VWF: variants seen among roughly 807,000 people sequenced by gnomAD.
The protein encoded by VWF is von Willebrand factor, also known as Factor VIII related antigen.
Under a neutral mutation model 308.6 loss-of-function variants are expected in VWF, and 176 were observed. The observed-to-expected ratio is 0.57, with a 90% CI of 0.50 to 0.65. VWF has a LOEUF of 0.65. Ranked by LOEUF, VWF falls within the 30% of genes least tolerant of loss-of-function variation. The pLI is 0.00. For synonymous variants in VWF, 1,385 were observed against 1,443.4 expected (o/e 0.96, Z 0.92); for missense variants, 3,146 against 3,648.2 (o/e 0.86, Z 3.55).
intron 41 of VWF, 49 bp from the exon 42 acceptor site, chr12:5,982,040 G>C (rs746635097): frequency 1.3e-6 from 2 of 1,575,074 alleles, no homozygotes; most frequent in South Asian, 1.1e-5. Flanking sequence ...GCCAGGGCTC[G>C]TAAGTATTCA....
Position 6,029,401 on chromosome 12 carries a change from G to A in VWF, c.2908C>T (p.Leu970Phe). 6.2e-7 allele frequency: 1 copy of A among 1,614,134 alleles called. No individual in the cohort carries two copies. Among genetic ancestry groups the A allele is most frequent in the Non-Finnish European group, 8.5e-7 (1 of 1,180,040 alleles). The change falls in exon 22 of 52, where the codon CTC becomes TTC. Residue 970 changes from leucine to phenylalanine, a missense_variant. Around this residue, in one of 3 missense-constraint regions of VWF, gnomAD observed 1,304 missense variants for 1,353.0 expected, o/e 0.96. Coordinates refer to ENST00000261405, the MANE Select transcript of VWF (RefSeq NM_000552.5). The part of the protein sequence containing the change: ...RYIILLLGKA[L>F]SVVWDRHLSI... Reference sequence around the variant, plus strand: ...AGGTGGCGGTCCCAGACCACGGAGAGGGCTTTGCCCAGCAGCAGAATGATG... The same window carrying A: ...AGGTGGCGGTCCCAGACCACGGAGAAGGCTTTGCCCAGCAGCAGAATGATG...
At chr12:6,047,690 G>C (rs1200861522) in intron 16 of VWF, among the ~76,000 whole-genome samples, 1 of 152,234 alleles carries the variant, frequency 6.6e-6, no homozygotes, top group Non-Finnish European at 1.5e-5. Flanking sequence ...TGTTTAGTTT[G>C]TATAAATGAT....
chr12:6,106,711 C>T (rs1945248138), intron 5 of VWF, among the ~76,000 whole-genome samples: 1 of 151,848 alleles, frequency 6.6e-6, no homozygotes, highest in African/African-American at 2.4e-5. Context: ...CCCGTCTCTA[C>T]TAAAAATACA....
rs1318742609 is a variant in VWF, at chr12:6,022,031, T to C, written c.3543A>G (p.Lys1181=). 6.2e-7 allele frequency: 1 copy of C among 1,614,104 alleles called. No individual in the cohort carries two copies. The highest frequency in any genetic ancestry group is 8.5e-7 in the Non-Finnish European group (1 of 1,180,012). ...AGGTCTGCAAAAGCTCATCCAGGAT[T>C]TTCCCTGCAAAAGAAAGCTCTCATT... The part of the protein sequence containing the change: ...EGCHAHCPPG[K]ILDELLQTCV... The change falls in exon 27 of 52, where the codon AAA becomes AAG. Residue 1181 remains lysine, a synonymous_variant. Transcript: ENST00000261405.
At chr12:5,969,180 G>A (rs1423343500) in intron 45 of VWF, 31 bp downstream of exon 45, 1 of 1,595,804 alleles carries the variant, frequency 6.3e-7, no homozygotes, top group Admixed American at 1.8e-5. Context: ...GTGGTGCCCG[G>A]TCCAGCCCAG....
intron 3 of VWF, among the ~76,000 whole-genome samples, chr12:6,113,093 A>G (rs1945327716): frequency 6.6e-6 from 1 of 152,158 alleles, no homozygotes; most frequent in Non-Finnish European, 1.5e-5. Flanking sequence ...GGAGCTCCAG[A>G]TCAACACAAC....
In VWF at chr12:5,950,838, T is replaced by C. The variant is rs189089432; in HGVS notation, c.8156-955A>G. 5.3e-5 allele frequency among the ~76,000 whole-genome samples: 8 copies of C among 152,276 alleles called. 1 individual carries two copies. The highest frequency in any genetic ancestry group is 1.4e-4 in the African/African-American group (6 of 41,562). On this transcript the variant is annotated intron_variant, in intron 50 of 51. Coordinates refer to ENST00000261405, the MANE Select transcript of VWF (RefSeq NM_000552.5). Reference sequence around the variant, plus strand: ...TCTCCTAATCAAATTCCACGTGCAGTGTGCCTAGAGAGAATTCTTCTTCTC... The same window carrying C: ...TCTCCTAATCAAATTCCACGTGCAGCGTGCCTAGAGAGAATTCTTCTTCTC...
At chr12:5,996,302 C>A (rs1943808376) in intron 34 of VWF, 80 bp from the exon 35 acceptor site, 2 of 1,282,672 alleles carry the variant, frequency 1.6e-6, no homozygotes, top group Non-Finnish European at 2.2e-6. Context: ...CAGGTGTGAC[C>A]AAGTTGCACA....
chr12:6,019,321 A>C lies in VWF; in HGVS notation c.4097T>G (p.Phe1366Cys). ...GCGGTCGATCTTGCTGAAGATTTGG[A>C]ACAGTGTGTATTTCAAGACCTCGCT... Reference protein sequence around the residue: ...STSEVLKYTLFQIFSKIDRPE... With the variant: ...STSEVLKYTLCQIFSKIDRPE... The change falls in exon 28 of 52, where the codon TTC (phenylalanine) becomes TGC (cysteine). Residue 1366 changes from phenylalanine to cysteine, a missense_variant. Coordinates refer to ENST00000261405, the MANE Select transcript of VWF (RefSeq NM_000552.5). This position sits in a 1 kb window ranked among gnomAD's most constrained non-coding sequence, Gnocchi z 5.8. 3 of 1,613,820 alleles carry C rather than the reference A, an allele frequency of 1.9e-6. No individual in the cohort carries two copies. Among genetic ancestry groups the C allele is most frequent in the Non-Finnish European group, 2.5e-6 (3 of 1,179,856 alleles).
rs576714420 is a variant in VWF at position 6,001,619 on chromosome 12, G to A, written c.5843-5397C>T. Among the ~76,000 whole-genome samples, 4 of 152,290 alleles carry A rather than the reference G, an allele frequency of 2.6e-5. No individual in the cohort carries two copies. In the South Asian group the frequency reaches 6.2e-4, roughly 24 times the overall value. ...GAGCAAAAACTATAGGAGAAGCAAG[G>A]AGACATTGGTAGACAAACTAATAAC... On this transcript the variant is annotated intron_variant, in intron 34 of 51. Coordinates refer to ENST00000261405, the MANE Select transcript of VWF (RefSeq NM_000552.5).
chr12:6,102,733 CA>C (rs56767737), intron 5 of VWF, among the ~76,000 whole-genome samples: 28,085 of 111,590 alleles, frequency 0.25, 6,788 homozygotes, highest in African/African-American at 0.61. Context: ...GACTCCGTCT[CA>C]AAAAAAAAAA....
At chr12:5,970,022 C>T (rs1163432517) in intron 44 of VWF, among the ~76,000 whole-genome samples, 2 of 152,198 alleles carry the variant, frequency 1.3e-5, no homozygotes, top group Non-Finnish European at 2.9e-5. Flanking sequence ...TGCCCTCTGC[C>T]GCCATCTCAG....
At chr12:6,087,354 CTT>C (rs948166436) in intron 6 of VWF, among the ~76,000 whole-genome samples, 13 of 118,756 alleles carry the variant, frequency 1.1e-4, no homozygotes, top group Admixed American at 8.8e-5. Context: ...AGACTTAACT[CTT>C]TTTTTTTTTT....
Position 6,092,622 on chromosome 12 carries a change from T to TGAGA in VWF, c.657+2837_657+2838insTCTC, listed in dbSNP as rs1403649370. ...GCTAGTTAGTGAGTGAGTGAGAGTGTGTGTGTGTGTGTGTGTGTGTGTGTG... is the reference window on the plus strand; with the variant it reads ...GCTAGTTAGTGAGTGAGTGAGAGTGTGAGAGTGTGTGTGTGTGTGTGTGTGTGTG... On this transcript the variant is annotated intron_variant, in intron 6 of 51. Coordinates refer to ENST00000261405, the MANE Select transcript of VWF (RefSeq NM_000552.5). Among the ~76,000 whole-genome samples the TGAGA allele has an allele frequency of 4.3e-3, 395 of 91,452 alleles. 13 individuals are homozygous for TGAGA. The highest frequency in any genetic ancestry group is 0.016 in the African/African-American group (298 of 18,860). The allele number at this position is 91,452 out of a possible 152,430, so 60.0% of individuals were successfully genotyped here.
intron 19 of VWF, 73 bp from the exon 20 acceptor site, chr12:6,034,899 A>G: frequency 6.3e-7 from 1 of 1,586,840 alleles, no homozygotes. Flanking sequence ...CCATGGAGGC[A>G]ATGAAGGAAC....
At chr12:5,969,465 T>C in intron 44 of VWF, 74 bp from the exon 45 acceptor site, 7 of 1,574,870 alleles carry the variant, frequency 4.4e-6, no homozygotes, top group Non-Finnish European at 6.1e-6. Context: ...AATGTGCTCT[T>C]CTCTCAGGAA....
chr12:6,055,012 C>G (rs956447699), intron 15 of VWF, among the ~76,000 whole-genome samples: 2 of 152,156 alleles, frequency 1.3e-5, no homozygotes, highest in Admixed American at 1.3e-4. Flanking sequence ...CAGAGACAGA[C>G]CCCTCTTGTC....
At chr12:6,003,846 C>T (rs1288082245) in intron 34 of VWF, among the ~76,000 whole-genome samples, 7 of 134,032 alleles carry the variant, frequency 5.2e-5, no homozygotes, top group East Asian at 2.1e-4. Flanking sequence ...GACGGAGTCT[C>T]GCTCTGTTGC....
chr12:5,964,879 G>T (rs776969228), intron 47 of VWF, among the ~76,000 whole-genome samples: 1 of 152,084 alleles, frequency 6.6e-6, no homozygotes, highest in Non-Finnish European at 1.5e-5. Context: ...ATAAGCCGAA[G>T]GGGGCAACAG....
Sources: allele counts gnomAD v4.1 joint callset (sites outside exome capture counted in the v4.1 genomes callset), GRCh38; gene constraint gnomAD v4.1.1; regional missense constraint gnomAD v4.1.1; non-coding constraint Gnocchi (gnomAD v3.1); transcripts MANE v1.5; gene names NCBI Gene and HGNC (gene_info 2026-07-23, HGNC 2026-07-21).